The following WWOX variants were observed in gnomAD, a reference collection of about 807,000 sequenced individuals.
WWOX encodes WW domain containing oxidoreductase, also known as WW domain-containing oxidoreductase.
WWOX carries 69 observed loss-of-function variants against 46.2 expected under a neutral mutation model. The ratio of observed to expected loss-of-function variants is 1.49; its 90% confidence interval spans 1.23 to 1.82. The LOEUF is 1.82. Ranked by LOEUF, WWOX falls within the 40% of genes most tolerant of loss-of-function variation. The probability of loss-of-function intolerance (pLI) is 0.00; values close to 1 mark genes in which losing one functional copy is unlikely to be tolerated. For missense variants in WWOX, 919 were observed against 542.6 expected (o/e 1.69, Z -6.89); for synonymous variants, 359 against 202.6 (o/e 1.77, Z -6.56).
chr16:79,184,455 G>T (rs2050974575), intron 8 of WWOX, among the ~76,000 whole-genome samples: 1 of 152,168 alleles, frequency 6.6e-6, no homozygotes, highest in Non-Finnish European at 1.5e-5. Context: ...TCCACGCCTT[G>T]TATGTTTCTG....
intron 8 of WWOX, among the ~76,000 whole-genome samples, chr16:78,529,223 G>T (rs368837515): frequency 1.3e-5 from 2 of 152,164 alleles, no homozygotes; most frequent in African/African-American, 4.8e-5. Flanking sequence ...CCAAAATGCC[G>T]AGATTATGGG....
At chr16:79,015,082 A>C (rs1445821071) in intron 8 of WWOX, among the ~76,000 whole-genome samples, 3 of 152,244 alleles carry the variant, frequency 2.0e-5, no homozygotes, top group African/African-American at 4.8e-5. Context: ...CTGTCTTTCA[A>C]ATTTGGATGT....
chr16:78,863,480 G>A (rs940639193), intron 8 of WWOX, among the ~76,000 whole-genome samples: 11 of 152,174 alleles, frequency 7.2e-5, no homozygotes, highest in African/African-American at 2.7e-4. Flanking sequence ...TCATCAGAGA[G>A]TCACCAATGG....
chr16:78,742,161 A>G (rs2049244228), intron 8 of WWOX, among the ~76,000 whole-genome samples: 1 of 152,230 alleles, frequency 6.6e-6, no homozygotes, highest in Non-Finnish European at 1.5e-5. Flanking sequence ...TTGTAATATT[A>G]CATGTAGATT....
chr16:78,675,494 A>C (rs953419772), intron 8 of WWOX, among the ~76,000 whole-genome samples: 2 of 152,160 alleles, frequency 1.3e-5, no homozygotes, highest in Non-Finnish European at 2.9e-5. Context: ...GCACGGTTGT[A>C]AGCACTTACA....
chr16:78,500,518 G>C (rs950751433), intron 8 of WWOX, among the ~76,000 whole-genome samples: 2 of 151,796 alleles, frequency 1.3e-5, no homozygotes, highest in Non-Finnish European at 2.9e-5. Context: ...ATTTTACCAT[G>C]AGAAGCCATA....
chr16:78,196,998 T>C (rs1296283705), intron 5 of WWOX, among the ~76,000 whole-genome samples: 1 of 152,230 alleles, frequency 6.6e-6, no homozygotes, highest in East Asian at 1.9e-4. Flanking sequence ...TTGTCTAATA[T>C]ATAATTTCAG....
At chr16:78,241,364 C>T (rs2151819489) in intron 5 of WWOX, 1 of 152,596 alleles carries the variant, frequency 6.6e-6, no homozygotes, top group African/African-American at 2.4e-5. Context: ...AGCCTGCCTG[C>T]CTCATCCTTG....
chr16:79,013,869 G>C (rs1019164411), intron 8 of WWOX, among the ~76,000 whole-genome samples: 1 of 152,140 alleles, frequency 6.6e-6, no homozygotes, highest in Non-Finnish European at 1.5e-5. Flanking sequence ...GCCCTCCCAG[G>C]TGTTTGTAAT....
chr16:78,609,808 G>A (rs973446400), intron 8 of WWOX, among the ~76,000 whole-genome samples: 1 of 152,174 alleles, frequency 6.6e-6, no homozygotes, highest in Non-Finnish European at 1.5e-5. Context: ...TTTTTCCAAA[G>A]CTATCTGCTA....
intron 8 of WWOX, among the ~76,000 whole-genome samples, chr16:78,967,661 G>A (rs28584227): frequency 6.6e-6 from 1 of 152,002 alleles, no homozygotes; most frequent in South Asian, 2.1e-4. Context: ...GTGTCATTCA[G>A]ATTTAGCTTG....
At chr16:79,059,388 G>T (rs1340530925) in intron 8 of WWOX, among the ~76,000 whole-genome samples, 1 of 152,106 alleles carries the variant, frequency 6.6e-6, no homozygotes, top group Admixed American at 6.5e-5. Context: ...CACCAATATG[G>T]GTGTGATCTT....
chr16:78,247,975 A>G (rs182875413), intron 5 of WWOX, among the ~76,000 whole-genome samples: 2 of 152,316 alleles, frequency 1.3e-5, no homozygotes, highest in African/African-American at 4.8e-5. Flanking sequence ...AGTAATGTGT[A>G]TATGAATCAT....
In WWOX at chr16:78,445,931, C is replaced by A. The variant is rs963032107; in HGVS notation, c.1056+13179C>A. On this transcript the variant is annotated intron_variant, in intron 8 of 8. Transcript: ENST00000566780. ...GAAAGAAGAGAAACAGCTTTACTTACGTTTTTGATGAGCCTAGCCTTTGCT... is the reference window on the plus strand; with the variant it reads ...GAAAGAAGAGAAACAGCTTTACTTAAGTTTTTGATGAGCCTAGCCTTTGCT... Among the ~76,000 whole-genome samples, 6 of 152,014 alleles carry A rather than the reference C, an allele frequency of 3.9e-5. No individual in the cohort carries two copies. In the South Asian group the frequency reaches 8.3e-4, roughly 21 times the overall value.
chr16:78,394,365 G>C (rs997900004), intron 6 of WWOX, among the ~76,000 whole-genome samples: 1 of 152,052 alleles, frequency 6.6e-6, no homozygotes, highest in African/African-American at 2.4e-5. Context: ...ATTTTGAAAA[G>C]TCTACAAGTT....
intron 7 of WWOX, among the ~76,000 whole-genome samples, chr16:78,430,840 T>G (rs1308944788): frequency 6.6e-6 from 1 of 152,208 alleles, no homozygotes; most frequent in Non-Finnish European, 1.5e-5. Flanking sequence ...TAATTTCCAT[T>G]AAAACATGAA....
intron 8 of WWOX, among the ~76,000 whole-genome samples, chr16:78,904,478 C>T (rs143138101): frequency 2.3e-3 from 353 of 152,100 alleles, no homozygotes; most frequent in Non-Finnish European, 3.9e-3. Context: ...ACCTTGTGAT[C>T]TGCCTGCCCC....
intron 8 of WWOX, among the ~76,000 whole-genome samples, chr16:79,086,086 G>A (rs1261599992): frequency 1.4e-5 from 2 of 145,284 alleles, no homozygotes; most frequent in African/African-American, 5.1e-5. Context: ...AAAAAGAGCA[G>A]TATAGTCAGT....
At chr16:78,444,713 G>T (rs1307095185) in intron 8 of WWOX, among the ~76,000 whole-genome samples, 1 of 151,804 alleles carries the variant, frequency 6.6e-6, no homozygotes, top group South Asian at 2.1e-4. Flanking sequence ...TGTATTCTTA[G>T]TAGAGACGAG....
Sources: gnomAD v4.1 joint callset for allele counts (sites outside exome capture counted in the v4.1 genomes callset) on GRCh38, gnomAD v4.1.1 for gene constraint, MANE v1.5 for transcripts, NCBI Gene and HGNC (gene_info 2026-07-23, HGNC 2026-07-21) for gene names.